The following CEP20 variants were observed in gnomAD, a reference collection of about 807,000 sequenced individuals.
CEP20 encodes the protein centrosomal protein 20.
Under a neutral mutation model 20.0 loss-of-function variants are expected in CEP20, and 18 were observed. The ratio of observed to expected loss-of-function variants is 0.90; its 90% CI spans 0.62 to 1.34. CEP20 has a LOEUF of 1.34. CEP20 is among the 40% of genes most tolerant of loss of function. The pLI, the probability that CEP20 is intolerant of heterozygous loss-of-function variation, is 0.00. For missense variants in CEP20, 215 were observed against 201.6 expected (o/e 1.07, Z -0.40); for synonymous variants, 77 against 73.7 (o/e 1.04, Z -0.23).
chr16:15,887,309 C>T (rs1029406962), intron 1 of CEP20, among the ~76,000 whole-genome samples: 2 of 152,106 alleles, frequency 1.3e-5, no homozygotes, highest in African/African-American at 4.8e-5. Flanking sequence ...CAGATGCATG[C>T]CTGTTCTGTT....
intron 1 of CEP20, among the ~76,000 whole-genome samples, chr16:15,888,179 A>G (rs569392656): frequency 1.3e-5 from 2 of 151,978 alleles, no homozygotes; most frequent in Admixed American, 6.6e-5. Context: ...GCCTAACCCA[A>G]TAGGGGTTGT....
chr16:15,871,021 G>GGGA (rs2044803368), intron 4 of CEP20, among the ~76,000 whole-genome samples: 1 of 152,124 alleles, frequency 6.6e-6, no homozygotes, highest in Non-Finnish European at 1.5e-5. Context: ...CCAGCACTTT[G>GGGA]GGAGGCCAAG....
chr16:15,873,877 C>T (rs1164016795), intron 3 of CEP20, among the ~76,000 whole-genome samples: 4 of 151,860 alleles, frequency 2.6e-5, no homozygotes, highest in African/African-American at 9.7e-5. Context: ...ACCTCATCTA[C>T]ACTGAAATAT....
At chr16:15,867,632 G>C (rs889678088) in intron 4 of CEP20, 116 bp from the exon 5 acceptor site, 2 of 648,268 alleles carry the variant, frequency 3.1e-6, no homozygotes, top group Non-Finnish European at 5.1e-6. Flanking sequence ...GAGTACTTTA[G>C]ATGGTTTAGG....
chr16:15,888,112 C>G (rs1233838704), intron 1 of CEP20, among the ~76,000 whole-genome samples: 1 of 149,896 alleles, frequency 6.7e-6, no homozygotes. Context: ...GGGAGGGCTA[C>G]TTAACAGGTT....
chr16:15,874,620 G>T (rs1253528504), intron 3 of CEP20, among the ~76,000 whole-genome samples: 2 of 151,006 alleles, frequency 1.3e-5, no homozygotes, highest in African/African-American at 4.9e-5. Flanking sequence ...ACAATTAAAA[G>T]GATTTAATCT....
intron 4 of CEP20, among the ~76,000 whole-genome samples, chr16:15,868,022 G>A (rs1215867365): frequency 2.0e-5 from 3 of 151,254 alleles, no homozygotes; most frequent in Non-Finnish European, 4.4e-5. Flanking sequence ...CTGGCATTAG[G>A]GACTCTAATT....
rs149021573 is a variant in CEP20, at chr16:15,877,859, G to A, written c.311+1945C>T. Among the ~76,000 whole-genome samples the A allele has an allele frequency of 6.8e-3, 1,033 of 151,860 alleles. 5 individuals carry two copies. Among genetic ancestry groups the A allele is most frequent in the Non-Finnish European group, 9.8e-3 (664 of 67,902 alleles). ...CACTTGAGGCCAGGAGTTCGAGACC[G>A]GCCTGGCCAACATGGTGAAACCCCA... On this transcript the variant is annotated intron_variant, in intron 3 of 4. Transcript: ENST00000255759.
At chr16:15,883,331 C>G (rs948799429) in intron 2 of CEP20, among the ~76,000 whole-genome samples, 6 of 152,058 alleles carry the variant, frequency 3.9e-5, no homozygotes, top group Admixed American at 1.3e-4. Context: ...CCACTGCAGT[C>G]CAGCCTTTGC....
intron 4 of CEP20, among the ~76,000 whole-genome samples, chr16:15,869,463 A>G (rs1221458236): frequency 1.3e-5 from 2 of 151,772 alleles, no homozygotes; most frequent in African/African-American, 4.8e-5. Context: ...GGCGTACACC[A>G]CCACGTCCAG....
intron 2 of CEP20, among the ~76,000 whole-genome samples, chr16:15,882,503 G>C (rs1168160676): frequency 1.3e-5 from 2 of 151,208 alleles, no homozygotes. Context: ...CTCCAGCCTG[G>C]GTGACAGAGC....
At chr16:15,874,942 T>C (rs975289483) in intron 3 of CEP20, among the ~76,000 whole-genome samples, 1 of 152,166 alleles carries the variant, frequency 6.6e-6, no homozygotes, top group East Asian at 1.9e-4. Context: ...CAGTAAGGAA[T>C]TGAGGCCGCC....
intron 2 of CEP20, among the ~76,000 whole-genome samples, chr16:15,882,253 T>C (rs1205217366): frequency 8.5e-5 from 13 of 152,170 alleles, no homozygotes; most frequent in Admixed American, 8.5e-4. Flanking sequence ...GTAAACCTCT[T>C]TTCTTCAACC....
intron 4 of CEP20, 92 bp downstream of exon 4, chr16:15,873,399 C>G (rs1353513520): frequency 4.1e-6 from 6 of 1,447,140 alleles, no homozygotes; most frequent in Non-Finnish European, 5.6e-6. Context: ...TAAACTATGA[C>G]TCAAAAGCTC....
intron 3 of CEP20, among the ~76,000 whole-genome samples, chr16:15,879,406 G>C (rs1255564044): frequency 1.3e-5 from 2 of 152,138 alleles, no homozygotes; most frequent in Non-Finnish European, 2.9e-5. Flanking sequence ...CTAGCACTTT[G>C]GGAGGCCAAG....
At position 15,888,107 on chromosome 16, in the gene CEP20, G is replaced by A. The variant is rs915098251; in HGVS notation, c.28+451C>T. On this transcript the variant is annotated intron_variant, in intron 1 of 4. Transcript: ENST00000255759. Reference sequence around the variant, plus strand: ...AAAAAAAAAAAAGCAAGGAGGGGAGGGCTACTTAACAGGTTGTTGTAAGGA... The same window carrying A: ...AAAAAAAAAAAAGCAAGGAGGGGAGAGCTACTTAACAGGTTGTTGTAAGGA... Among the ~76,000 whole-genome samples the A allele has an allele frequency of 3.3e-5, 5 of 150,664 alleles. No individual in the cohort carries two copies. In the East Asian group the frequency reaches 7.8e-4, roughly 24 times the overall value.
rs2044681611 is a variant in CEP20 at position 15,866,462 on chromosome 16, T to G, written c.*978A>C. The G allele has an allele frequency of 6.6e-6, 1 of 152,358 alleles. No individual in the cohort carries two copies. Among genetic ancestry groups the G allele is most frequent in the Non-Finnish European group, 1.5e-5 (1 of 68,030 alleles). 9.4% of individuals were successfully genotyped at this position (152,358 alleles called of 1,614,324 possible). ...TCAGTTGTTTTCAATGAAATGAGCC[T>G]GTGGACACTACATTAAAAATACTTC... On this transcript the variant is annotated 3_prime_UTR_variant, in exon 5 of 5. Transcript: ENST00000255759.
chr16:15,882,762 T>TACA (rs1312550555), intron 2 of CEP20, among the ~76,000 whole-genome samples: 1 of 118,676 alleles, frequency 8.4e-6, no homozygotes, highest in African/African-American at 3.4e-5. Context: ...TATCTATCTA[T>TACA]CTATCTATCT....
At chr16:15,880,796 G>T (rs1170211214) in intron 2 of CEP20, among the ~76,000 whole-genome samples, 2 of 152,056 alleles carry the variant, frequency 1.3e-5, no homozygotes, top group African/African-American at 4.8e-5. Flanking sequence ...GCCTCCTGTT[G>T]GCAGAATTAG....
Sources: allele counts gnomAD v4.1 joint callset (sites outside exome capture counted in the v4.1 genomes callset), GRCh38; gene constraint gnomAD v4.1.1; transcripts MANE v1.5; gene names NCBI Gene and HGNC (gene_info 2026-07-23, HGNC 2026-07-21).